The following VPS13B variants were observed in gnomAD, a reference collection of about 807,000 sequenced individuals.
The protein encoded by VPS13B is intermembrane lipid transfer protein VPS13B.
A neutral mutation model predicts 426.4 loss-of-function variants in VPS13B; 285 were observed. The ratio of observed to expected loss-of-function variants is 0.67; its 90% confidence interval spans 0.61 to 0.74. The LOEUF (loss-of-function observed/expected upper bound fraction) is 0.74, where lower values mean the gene tolerates loss of function less well. Ranked by LOEUF, VPS13B falls within the 30% of genes least tolerant of loss-of-function variation. The pLI is 0.00. For synonymous variants in VPS13B, 1,676 were observed against 1,676.4 expected (o/e 1.00, Z 0.01); for missense variants, 4,537 against 4,782.6 (o/e 0.95, Z 1.51).
chr8:99,250,814 G>A (rs1010108027), intron 17 of VPS13B, among the ~76,000 whole-genome samples: 4 of 151,232 alleles, frequency 2.6e-5, no homozygotes, highest in African/African-American at 9.7e-5. Flanking sequence ...AGCCTCCAGA[G>A]TAGCTGGGAC....
intron 30 of VPS13B, among the ~76,000 whole-genome samples, chr8:99,550,517 T>C (rs1024530551): frequency 5.3e-5 from 8 of 151,960 alleles, no homozygotes; most frequent in African/African-American, 1.9e-4. Context: ...GCGAATAGTA[T>C]ATTTTGCCTT....
At chr8:99,333,344 T>C (rs942316135) in intron 19 of VPS13B, among the ~76,000 whole-genome samples, 2 of 151,796 alleles carry the variant, frequency 1.3e-5, no homozygotes, top group African/African-American at 4.8e-5. Context: ...GAGGTAATTA[T>C]GTAGATTCAC....
intron 19 of VPS13B, among the ~76,000 whole-genome samples, chr8:99,342,522 C>T (rs1215682220): frequency 6.6e-6 from 1 of 151,722 alleles, no homozygotes; most frequent in Non-Finnish European, 1.5e-5. Context: ...GCTTATTTCA[C>T]TTAGTATAAT....
chr8:99,840,953 C>T (rs922868586), intron 54 of VPS13B, among the ~76,000 whole-genome samples: 11 of 152,328 alleles, frequency 7.2e-5, no homozygotes, highest in African/African-American at 2.2e-4. Flanking sequence ...AGGGCACAGT[C>T]GAACAGATAC....
rs566592726 is a variant in VPS13B at position 99,302,191 on chromosome 8, T to A, written c.2824+26937T>A. ...CTTACTTGACTCCTCCGGCCATAGCTCCAAACTGTCTAGCCAGATTACCAG... is the reference window on the plus strand; with the variant it reads ...CTTACTTGACTCCTCCGGCCATAGCACCAAACTGTCTAGCCAGATTACCAG... On this transcript the variant is annotated intron_variant, in intron 19 of 61. Coordinates refer to ENST00000357162, the MANE Select transcript of VPS13B (RefSeq NM_152564.5). Among the ~76,000 whole-genome samples the A allele has an allele frequency of 3.3e-5, 5 of 152,296 alleles. No homozygotes were observed. The South Asian group carries it at 8.3e-4, about 25-fold the overall frequency.
intron 44 of VPS13B, among the ~76,000 whole-genome samples, chr8:99,811,451 A>G (rs577638973): frequency 6.6e-6 from 1 of 152,280 alleles, no homozygotes; most frequent in Non-Finnish European, 1.5e-5. Flanking sequence ...GGGCTTGTTA[A>G]AACACAGATT....
intron 45 of VPS13B, 68 bp from the exon 46 acceptor site, chr8:99,818,383 G>T: frequency 5.0e-6 from 7 of 1,409,082 alleles, no homozygotes; most frequent in South Asian, 1.2e-5. Flanking sequence ...TGATGTATCT[G>T]TGCCTTATTT....
At chr8:99,286,678 T>C (rs1347828981) in intron 19 of VPS13B, among the ~76,000 whole-genome samples, 1 of 152,156 alleles carries the variant, frequency 6.6e-6, no homozygotes, top group Non-Finnish European at 1.5e-5. Flanking sequence ...TCAGATAACC[T>C]GCAAGGGTGT....
At chr8:99,818,607 G>T (rs954744919) in intron 46 of VPS13B, 73 bp downstream of exon 46, 1 of 1,604,152 alleles carries the variant, frequency 6.2e-7, no homozygotes, top group Non-Finnish European at 8.5e-7. Flanking sequence ...ATTAAGGTCA[G>T]AGTGACCCAG....
chr8:99,678,472 T>G (rs951385559), intron 35 of VPS13B, among the ~76,000 whole-genome samples: 3 of 152,158 alleles, frequency 2.0e-5, no homozygotes, highest in African/African-American at 7.2e-5. Context: ...CCTTCCTCAG[T>G]TGATCCAGTC....
At chr8:99,023,380 A>G (rs1337335292) in intron 2 of VPS13B, among the ~76,000 whole-genome samples, 2 of 151,952 alleles carry the variant, frequency 1.3e-5, no homozygotes, top group Non-Finnish European at 2.9e-5. Flanking sequence ...ACATAACATA[A>G]TGACCTTCAT....
intron 34 of VPS13B, among the ~76,000 whole-genome samples, chr8:99,658,923 C>T (rs1830118751): frequency 6.6e-6 from 1 of 152,170 alleles, no homozygotes; most frequent in Admixed American, 6.5e-5. Context: ...TCAGGTGATC[C>T]TCCCACATTA....
rs759916136 is a variant in VPS13B, at chr8:99,600,946, G to A, written c.5220+23313G>A. Among the ~76,000 whole-genome samples the A allele has an allele frequency of 4.6e-5, 7 of 152,020 alleles. No individual in the cohort carries two copies. In the East Asian group the frequency reaches 1.4e-3, roughly 29 times the overall value. On this transcript the variant is annotated intron_variant, in intron 33 of 61. Transcript: ENST00000357162. ...AATAAAAATGTTAGACTGGACTATT[G>A]TCTTTTTAAAGTTTCAAGGAGAAGC...
intron 39 of VPS13B, among the ~76,000 whole-genome samples, chr8:99,748,198 A>C (rs998343685): frequency 6.6e-6 from 1 of 151,998 alleles, no homozygotes; most frequent in African/African-American, 2.4e-5. Context: ...CATCTTTTCC[A>C]CATTACATTC....
intron 23 of VPS13B, among the ~76,000 whole-genome samples, chr8:99,458,507 A>G (rs1316843555): frequency 2.0e-5 from 3 of 152,054 alleles, no homozygotes; most frequent in African/African-American, 4.8e-5. Context: ...GACTTCCACA[A>G]TGGTTGAACT....
At chr8:99,300,662 A>C (rs565881663) in intron 19 of VPS13B, among the ~76,000 whole-genome samples, 54 of 152,240 alleles carry the variant, frequency 3.5e-4, no homozygotes, top group African/African-American at 1.3e-3. Flanking sequence ...ATCATCCTGC[A>C]TTCTCTTCCC....
At chr8:99,432,663 A>G (rs1295064821) in intron 22 of VPS13B, among the ~76,000 whole-genome samples, 2 of 152,194 alleles carry the variant, frequency 1.3e-5, no homozygotes, top group Non-Finnish European at 2.9e-5. Flanking sequence ...ATCTTTATTT[A>G]TCAATATTCT....
At chr8:99,343,700 A>C (rs1811375728) in intron 19 of VPS13B, among the ~76,000 whole-genome samples, 1 of 152,246 alleles carries the variant, frequency 6.6e-6, no homozygotes, top group South Asian at 2.1e-4. Context: ...AATAGCAGCA[A>C]CAACAGCAAC....
intron 39 of VPS13B, among the ~76,000 whole-genome samples, chr8:99,750,761 G>GT (rs1810351601): frequency 1.3e-5 from 2 of 152,074 alleles, no homozygotes; most frequent in Admixed American, 1.3e-4. Context: ...ATTAAGTGCC[G>GT]TAAGAGTTTA....
Sources: allele counts gnomAD v4.1 joint callset (sites outside exome capture counted in the v4.1 genomes callset), GRCh38; gene constraint gnomAD v4.1.1; transcripts MANE v1.5; gene names NCBI Gene and HGNC (gene_info 2026-07-23, HGNC 2026-07-21).